CHST9: variants seen among roughly 807,000 people sequenced by gnomAD.
CHST9 encodes the protein GalNAc-4-sulfotransferase 2.
CHST9 carries 41 observed loss-of-function variants against 44.4 expected under a neutral mutation model. That is an observed-to-expected ratio of 0.92 (90% confidence interval 0.72 to 1.20). CHST9 has a LOEUF of 1.20. CHST9 is among the 50% of genes most tolerant of loss of function. CHST9 has a pLI of 0.00. For missense variants in CHST9, 504 were observed against 516.5 expected, an observed-to-expected ratio of 0.98 and a Z score of 0.23; for synonymous variants, 171 against 178.4, an observed-to-expected ratio of 0.96 and a Z score of 0.33.
intron 2 of CHST9, among the ~76,000 whole-genome samples, chr18:27,052,328 ATG>A (rs994287896): frequency 6.6e-6 from 1 of 151,790 alleles, no homozygotes; most frequent in Non-Finnish European, 1.5e-5. Context: ...ATATGTATAT[ATG>A]TGTGTATATA....
chr18:27,045,620 A>G (rs1312939612), intron 3 of CHST9, among the ~76,000 whole-genome samples: 1 of 152,014 alleles, frequency 6.6e-6, no homozygotes. Flanking sequence ...TACCAAGCCA[A>G]ATCGCCAAAT....
At chr18:27,111,970 T>C (rs2058274513) in intron 2 of CHST9, among the ~76,000 whole-genome samples, 1 of 152,104 alleles carries the variant, frequency 6.6e-6, no homozygotes, top group Non-Finnish European at 1.5e-5. Flanking sequence ...TTCCTGGGTC[T>C]CCAGCTTACA....
intron 1 of CHST9, among the ~76,000 whole-genome samples, chr18:27,157,823 A>C (rs1440235922): frequency 1.3e-5 from 2 of 152,156 alleles, no homozygotes; most frequent in Non-Finnish European, 2.9e-5. Flanking sequence ...TGTAAAAAAA[A>C]ACTGCATTGT....
chr18:27,076,377 A>C (rs569678161), intron 2 of CHST9, among the ~76,000 whole-genome samples: 1 of 152,152 alleles, frequency 6.6e-6, no homozygotes, highest in Non-Finnish European at 1.5e-5. Context: ...GGTCCATTTT[A>C]GTAGGTTCAG....
chr18:27,055,224 C>A (rs1401324143), intron 2 of CHST9, among the ~76,000 whole-genome samples: 4 of 152,016 alleles, frequency 2.6e-5, no homozygotes, highest in African/African-American at 9.7e-5. Context: ...TGTGCACATG[C>A]TACTTATTAA....
chr18:27,058,461 A>G (rs899003258), intron 2 of CHST9, among the ~76,000 whole-genome samples: 1 of 152,168 alleles, frequency 6.6e-6, no homozygotes, highest in Non-Finnish European at 1.5e-5. Context: ...TTGCTTACCC[A>G]GTCGGATACA....
At chr18:27,134,811 T>C (rs971007345) in intron 2 of CHST9, among the ~76,000 whole-genome samples, 3 of 152,148 alleles carry the variant, frequency 2.0e-5, no homozygotes, top group Non-Finnish European at 2.9e-5. Context: ...ATTGTACTTA[T>C]TTGACATAAA....
intron 4 of CHST9, among the ~76,000 whole-genome samples, chr18:27,011,513 G>T (rs1479484544): frequency 6.6e-6 from 1 of 152,182 alleles, no homozygotes; most frequent in South Asian, 2.1e-4. Context: ...TAAATCACTT[G>T]TTGAGGGGCC....
At chr18:26,925,133 CA>C (rs200138946) in intron 5 of CHST9, among the ~76,000 whole-genome samples, 1 of 151,514 alleles carries the variant, frequency 6.6e-6, no homozygotes, top group African/African-American at 2.4e-5. Context: ...CATTAAAGGA[CA>C]AAAAAAAATT....
chr18:27,101,840 C>G (rs2058175853), intron 2 of CHST9, among the ~76,000 whole-genome samples: 1 of 152,092 alleles, frequency 6.6e-6, no homozygotes, highest in Non-Finnish European at 1.5e-5. Flanking sequence ...GTCATCATGT[C>G]AAATCAAAAT....
At chr18:27,168,306 C>T (rs915665087) in intron 1 of CHST9, among the ~76,000 whole-genome samples, 2 of 152,002 alleles carry the variant, frequency 1.3e-5, no homozygotes, top group African/African-American at 4.8e-5. Context: ...GATCCCCTGA[C>T]CTCGTGATCC....
intron 4 of CHST9, chr18:26,952,051 C>G (rs1057281952): frequency 8.4e-6 from 3 of 356,612 alleles, no homozygotes; most frequent in African/African-American, 6.4e-5. Flanking sequence ...TAGGCAAGGA[C>G]ATTAGTGACA....
At chr18:26,931,782 T>G (rs1431362742) in intron 5 of CHST9, among the ~76,000 whole-genome samples, 1 of 152,250 alleles carries the variant, frequency 6.6e-6, no homozygotes, top group Non-Finnish European at 1.5e-5. Context: ...ATGCACCAGA[T>G]GCTGCACAAA....
chr18:27,016,170 T>C (rs1259935261), intron 4 of CHST9, among the ~76,000 whole-genome samples: 1 of 152,236 alleles, frequency 6.6e-6, no homozygotes, highest in African/African-American at 2.4e-5. Flanking sequence ...ACCTCATGCT[T>C]CTTTTGTAAG....
chr18:27,048,771 C>T (rs1307824674), intron 2 of CHST9, among the ~76,000 whole-genome samples: 1 of 147,512 alleles, frequency 6.8e-6, no homozygotes, highest in East Asian at 2.3e-4. Flanking sequence ...CAACAATAAA[C>T]TTACAAAGGG....
In CHST9 at chr18:26,941,910, C is replaced by T. The variant is rs78675453; in HGVS notation, c.240+2419G>A. ...TGGCCAGCAGGCTAGAGCTTCCCCT[C>T]CACTCCTGATTTCTCACGTTGGTGA... is the stretch of plus-strand genomic sequence containing the variant. On this transcript the variant is annotated intron_variant, in intron 5 of 5. Transcript: ENST00000618847. Among the ~76,000 whole-genome samples the T allele has an allele frequency of 8.9e-4, 135 of 152,294 alleles. 6 individuals carry two copies. In the East Asian group the frequency reaches 0.022, roughly 25 times the overall value.
At chr18:27,000,323 G>GA (rs2056934152) in intron 4 of CHST9, among the ~76,000 whole-genome samples, 1 of 152,186 alleles carries the variant, frequency 6.6e-6, no homozygotes, top group African/African-American at 2.4e-5. Flanking sequence ...ACTTCAGCAA[G>GA]AAAAAACTAT....
At chr18:26,987,163 T>C (rs945642751) in intron 4 of CHST9, among the ~76,000 whole-genome samples, 4 of 152,176 alleles carry the variant, frequency 2.6e-5, no homozygotes, top group African/African-American at 9.6e-5. Context: ...CTCATGACAA[T>C]AAGTCAGTTC....
At chr18:27,163,849 G>A (rs2058768750) in intron 1 of CHST9, among the ~76,000 whole-genome samples, 1 of 152,154 alleles carries the variant, frequency 6.6e-6, no homozygotes, top group East Asian at 1.9e-4. Flanking sequence ...ACTCCCCAAT[G>A]AGATGAACCC....
Sources: allele counts gnomAD v4.1 joint callset (sites outside exome capture counted in the v4.1 genomes callset), GRCh38; gene constraint gnomAD v4.1.1; transcripts MANE v1.5; gene names NCBI Gene and HGNC (gene_info 2026-07-23, HGNC 2026-07-21).